The following RAF1 variants were observed in gnomAD, a reference collection of about 807,000 sequenced individuals.
The protein encoded by RAF1 is RAF proto-oncogene serine/threonine-protein kinase.
RAF1 carries 27 observed loss-of-function variants against 81.1 expected under a neutral mutation model. That is an observed-to-expected ratio of 0.33 (90% CI 0.25 to 0.46). The LOEUF is 0.46. RAF1 is among the 20% of genes least tolerant of loss of function. RAF1 has a pLI of 1.00. For missense variants in RAF1, 598 were observed against 826.0 expected, an observed-to-expected ratio of 0.72 and a Z score of 3.38; for synonymous variants, 298 against 294.0, an observed-to-expected ratio of 1.01 and a Z score of -0.14.
chr3:12,584,595 C>T lies in RAF1; in HGVS notation c.1926G>A (p.Glu642=), dbSNP rs2125316559. Reference sequence around the variant, plus strand: ...TGTGGGCTGCCCGATGCAAGGATGGCTCGGAAGCGCTCCGGTTGATCTTCG... The same window carrying T: ...TGTGGGCTGCCCGATGCAAGGATGGTTCGGAAGCGCTCCGGTTGATCTTCG... Residue 642 remains glutamate, a synonymous_variant, in exon 18 of 18, where the codon GAG becomes GAA. Transcript: ENST00000442415. 6.2e-7 allele frequency: 1 copy of T among 1,614,124 alleles called. No individual in the cohort carries two copies. The highest frequency in any genetic ancestry group is 8.5e-7 in the Non-Finnish European group (1 of 1,180,010).
chr3:12,626,686 T>A (rs2059712660), intron 1 of RAF1, among the ~76,000 whole-genome samples: 1 of 152,068 alleles, frequency 6.6e-6, no homozygotes, highest in African/African-American at 2.4e-5. Context: ...AATTGTAAAA[T>A]CACATTTCTG....
chr3:12,610,262 G>A (rs1254328189), intron 3 of RAF1, among the ~76,000 whole-genome samples: 3 of 152,150 alleles, frequency 2.0e-5, no homozygotes, highest in Non-Finnish European at 2.9e-5. Context: ...TCTACCAGAA[G>A]CCTAGTCAAG....
chr3:12,636,452 A>AAAC (rs1218642262), intron 1 of RAF1, among the ~76,000 whole-genome samples: 1 of 150,214 alleles, frequency 6.7e-6, no homozygotes, highest in Non-Finnish European at 1.5e-5. Flanking sequence ...TTAAAAAAAA[A>AAAC]AAAACTGATT....
intron 1 of RAF1, among the ~76,000 whole-genome samples, chr3:12,645,203 C>A (rs1238147166): frequency 1.3e-5 from 2 of 151,582 alleles, no homozygotes; most frequent in African/African-American, 2.4e-5. Context: ...TACCTAAAAC[C>A]TAACTTCTGA....
Position 12,609,202 on chromosome 3 carries a change from A to G in RAF1, c.423+31T>C, listed in dbSNP as rs757245046. On this transcript the variant is annotated intron_variant, in intron 4 of 17. Transcript: ENST00000442415. ...TGTTATGCCTGGCAAAGCCCTCAAC[A>G]TGCCAGAAAGAGAAGAGATCTGCAA... is the stretch of plus-strand genomic sequence containing the variant. The G allele has an allele frequency of 8.0e-6, 12 of 1,509,268 alleles. No homozygotes were observed. In the East Asian group the frequency reaches 2.7e-4, roughly 34 times the overall value. The allele number at this position is 1,509,268 out of a possible 1,614,324, so 93.5% of individuals were successfully genotyped here.
At position 12,590,844 on chromosome 3, in the gene RAF1, T is replaced by C; in HGVS notation, c.1384A>G (p.Met462Val). Reference sequence around the variant, plus strand: ...CGGGCAATGTCAATTAGCTGGAACATCTGAAACTTGGTCTCCTGGACATGC... The same window carrying C: ...CGGGCAATGTCAATTAGCTGGAACACCTGAAACTTGGTCTCCTGGACATGC... The change falls in exon 13 of 18, where the codon ATG becomes GTG. Residue 462 changes from methionine (M) to valine (V), a missense_variant. Transcript: ENST00000442415. 2.5e-6 allele frequency: 4 copies of C among 1,614,082 alleles called. No individual in the cohort carries two copies. The highest frequency in any genetic ancestry group is 3.4e-6 in the Non-Finnish European group (4 of 1,179,958).
chr3:12,646,134 C>A (rs981581528), intron 1 of RAF1, among the ~76,000 whole-genome samples: 1 of 152,004 alleles, frequency 6.6e-6, no homozygotes, highest in Non-Finnish European at 1.5e-5. Flanking sequence ...GATGGTGTAT[C>A]AAAAATCTAA....
intron 1 of RAF1, among the ~76,000 whole-genome samples, chr3:12,662,694 GCTC>G (rs1244737166): frequency 2.0e-5 from 3 of 152,060 alleles, no homozygotes; most frequent in African/African-American, 7.2e-5. Context: ...TGTTCCCTGA[GCTC>G]CTCCTCACCC....
At position 12,618,693 on chromosome 3, in the gene RAF1, G is replaced by A. The variant is rs144637992; in HGVS notation, c.29C>T (p.Thr10Met). The A allele has an allele frequency of 9.9e-6, 16 of 1,614,160 alleles. No individual in the cohort carries two copies. Among genetic ancestry groups the A allele is most frequent in the East Asian group, 4.5e-5 (2 of 44,888 alleles). ...TTTGAATCCAAAACCATTGCTGATC[G>A]TCTTCCAAGCTCCCTGTATGTGCTC... is the stretch of plus-strand genomic sequence containing the variant. Residue 10 changes from threonine to methionine, a missense_variant, in exon 2 of 18, where the codon ACG becomes ATG. By Grantham distance (81) the Thr-to-Met change is moderately conservative. Transcript: ENST00000442415.
chr3:12,607,829 T>C (rs1004464049), intron 5 of RAF1, among the ~76,000 whole-genome samples: 1 of 151,460 alleles, frequency 6.6e-6, no homozygotes, highest in African/African-American at 2.4e-5. Context: ...TGTGTGCCTG[T>C]AGTCTGAGCT....
chr3:12,606,997 G>A (rs1481798002), intron 5 of RAF1, among the ~76,000 whole-genome samples: 1 of 152,098 alleles, frequency 6.6e-6, no homozygotes, highest in East Asian at 1.9e-4. Flanking sequence ...GGCCCAGTGT[G>A]CATTTCTAGG....
rs1208201560 is a variant in RAF1 at position 12,585,548 on chromosome 3, T to C, written c.1596+133A>G. 3.7e-6 allele frequency: 5 copies of C among 1,356,552 alleles called. No individual in the cohort carries two copies. In the East Asian group the frequency reaches 1.2e-4, roughly 33 times the overall value. 84.0% of individuals were successfully genotyped at this position (1,356,552 alleles called of 1,614,324 possible). A position where few individuals can be genotyped will look rare whatever the true frequency, so the allele number is the denominator to read the frequency against. On this transcript the variant is annotated intron_variant, in intron 15 of 17. Coordinates refer to ENST00000442415, the MANE Select transcript of RAF1 (RefSeq NM_001354689.3). ...TCCTCAAGAAAATCTACAATTGCCC[T>C]GAGGCTGGCTGTCACTAGGGGTCAT...
At chr3:12,597,772 G>A (rs186257889) in intron 11 of RAF1, among the ~76,000 whole-genome samples, 23 of 151,780 alleles carry the variant, frequency 1.5e-4, no homozygotes, top group African/African-American at 4.1e-4. Context: ...AAAATTAGCC[G>A]GGTGTGGTGG....
chr3:12,624,348 G>A lies in RAF1; in HGVS notation c.-26-5601C>T, dbSNP rs1398046160. Among the ~76,000 whole-genome samples the A allele has an allele frequency of 4.0e-5, 6 of 151,824 alleles. No individual in the cohort carries two copies. In the East Asian group the frequency reaches 9.6e-4, roughly 24 times the overall value. ...TCAACGCAAACATCTGAAAAATCAG[G>A]GCAGACATCTGAAAACAAGGAGGAA... On this transcript the variant is annotated intron_variant, in intron 1 of 17. Transcript: ENST00000442415.
chr3:12,659,444 A>AAAAAAAAAAAAAAAAAAAAAAAAC (rs2060806821), intron 1 of RAF1, among the ~76,000 whole-genome samples: 1 of 150,572 alleles, frequency 6.6e-6, no homozygotes, highest in Non-Finnish European at 1.5e-5. Flanking sequence ...AAAAAAAAAA[A>AAAAAAAAAAAAAAAAAAAAAAAAC]ATTACACGCA....
In RAF1 at chr3:12,600,285, T is replaced by C; in HGVS notation, c.923-6A>G. 1.9e-6 allele frequency: 3 copies of C among 1,613,982 alleles called. No individual in the cohort carries two copies. Among genetic ancestry groups the C allele is most frequent in the Non-Finnish European group, 8.5e-7 (1 of 1,180,008 alleles). On this transcript the variant is annotated splice_polypyrimidine_tract_variant and splice_region_variant and intron_variant, in intron 9 of 17. Transcript: ENST00000442415. Reference sequence around the variant, plus strand: ...GGACAGGGCTGAAGGTGAGGCTTAATAGACAAGACAAACAGAAGCCACACA... The same window carrying C: ...GGACAGGGCTGAAGGTGAGGCTTAACAGACAAGACAAACAGAAGCCACACA...
rs1251823934 is a variant in RAF1 at position 12,608,767 on chromosome 3, A to G, written c.580T>C (p.Leu194=). The G allele has an allele frequency of 1.2e-6, 2 of 1,613,906 alleles. No individual in the cohort carries two copies. The highest frequency in any genetic ancestry group is 1.3e-5 in the African/African-American group (1 of 74,936). The change falls in exon 5 of 18, where the codon TTA becomes CTA. Residue 194 remains leucine, a splice_region_variant and synonymous_variant. Transcript: ENST00000442415. Reference sequence around the variant, plus strand: ...TTGGATAAAAGAACAATGCCTTACAAGAGTTGTCTGATGTTACTCCAGTCC... The same window carrying G: ...TTGGATAAAAGAACAATGCCTTACAGGAGTTGTCTGATGTTACTCCAGTCC...
At position 12,617,660 on chromosome 3, in the gene RAF1, T is replaced by A. The variant is rs572371630; in HGVS notation, c.207+855A>T. Among the ~76,000 whole-genome samples the A allele has an allele frequency of 9.9e-5, 15 of 151,456 alleles. No homozygotes were observed. In the East Asian group the frequency reaches 2.7e-3, roughly 28 times the overall value. Reference sequence around the variant, plus strand: ...CAGCAGTTTGGGAGGCCGAGGCAGGTGGATTACCTGAGGTCAGGAGTTTGA... The same window carrying A: ...CAGCAGTTTGGGAGGCCGAGGCAGGAGGATTACCTGAGGTCAGGAGTTTGA... On this transcript the variant is annotated intron_variant, in intron 2 of 17. Coordinates refer to ENST00000442415, the MANE Select transcript of RAF1 (RefSeq NM_001354689.3).
chr3:12,635,635 T>C (rs1308663280), intron 1 of RAF1, among the ~76,000 whole-genome samples: 30 of 23,442 alleles, frequency 1.3e-3, no homozygotes, highest in Admixed American at 5.3e-3. Flanking sequence ...AAACTCCAGC[T>C]CCAAAAAAAA....
Sources: gnomAD v4.1 joint callset for allele counts (sites outside exome capture counted in the v4.1 genomes callset) on GRCh38, gnomAD v4.1.1 for gene constraint, MANE v1.5 for transcripts, NCBI Gene and HGNC (gene_info 2026-07-23, HGNC 2026-07-21) for gene names.